The following LACTBL1 variants were observed in gnomAD, a reference collection of about 807,000 sequenced individuals.
LACTBL1 encodes beta-lactamase-like protein 1.
In LACTBL1, 29 loss-of-function variants were observed where a neutral mutation model predicts 39.6. The ratio of observed to expected loss-of-function variants is 0.73; its 90% CI spans 0.55 to 1.00. The LOEUF is 1.00. Ranked by LOEUF, LACTBL1 falls within the 50% of genes least tolerant of loss-of-function variation. The pLI is 0.00. For synonymous variants in LACTBL1, 361 were observed against 360.7 expected, an observed-to-expected ratio of 1.00 and a Z score of -0.01; for missense variants, 711 against 748.5, an observed-to-expected ratio of 0.95 and a Z score of 0.59.
chr1:22,955,248 G>T, intron 5 of LACTBL1, 73 bp downstream of exon 7: 2 of 1,215,302 alleles, frequency 1.6e-6, no homozygotes, highest in Middle Eastern at 1.9e-4. Flanking sequence ...GGTGATGTGG[G>T]CTCTTTGCCA....
At chr1:22,953,576 C>T in exon 6 of LACTBL1, 4 of 1,252,260 alleles carry the variant, frequency 3.2e-6, no homozygotes, top group Non-Finnish European at 4.0e-6. Context: ...AAGGTGGCGG[C>T]GTAGCCGTCC....
exon 2 of LACTBL1, chr1:22,963,118 C>T: frequency 7.8e-7 from 1 of 1,286,792 alleles, no homozygotes; most frequent in Non-Finnish European, 9.9e-7. Flanking sequence ...TTTTCCAGGG[C>T]CTCCTTCAAC....
At chr1:22,969,007 G>A (rs1640912044), upstream of LACTBL1, among the ~76,000 whole-genome samples, 1 of 152,046 alleles carries the variant, frequency 6.6e-6, no homozygotes, top group African/African-American at 2.4e-5. Flanking sequence ...CAAACTCCTG[G>A]GCTCAAGCAA....
upstream of LACTBL1, among the ~76,000 whole-genome samples, chr1:22,968,333 G>A (rs567591406): frequency 6.6e-6 from 1 of 152,244 alleles, no homozygotes; most frequent in African/African-American, 2.4e-5. Flanking sequence ...TTTCTGGGTA[G>A]CAAGGTACAG....
At chr1:22,959,238 T>G (rs1640791817) in intron 3 of LACTBL1, among the ~76,000 whole-genome samples, 4 of 152,258 alleles carry the variant, frequency 2.6e-5, no homozygotes, top group African/African-American at 9.6e-5. Flanking sequence ...GGCAAGTTTC[T>G]AGACCCATCT....
At chr1:22,970,077 C>T (rs1439130683), upstream of LACTBL1, among the ~76,000 whole-genome samples, 4 of 152,192 alleles carry the variant, frequency 2.6e-5, no homozygotes, top group Non-Finnish European at 5.9e-5. Flanking sequence ...GGGTTGGCTA[C>T]TTGTAAAGAG....
At position 22,960,043 on chromosome 1, in the gene LACTBL1, TGCAGACATGGCAGCCACGCCTGGG is replaced by T. The variant is rs1192478314; in HGVS notation, c.192_215del (p.Pro65_Ala72del). 3 of 1,550,664 alleles carry T rather than the reference TGCAGACATGGCAGCCACGCCTGGG, an allele frequency of 1.9e-6. No homozygotes were observed. In the African/African-American group the frequency reaches 4.1e-5, roughly 21 times the overall value. The stretch of plus-strand genomic sequence containing the variant: ...GCACAGTATCATTGTGGATGACAAC[TGCAGACATGGCAGCCACGCCTGGG>T]GCAGACATTGCCTGGCGCAGGATCT... On this transcript the variant is annotated inframe_deletion, in exon 3 of 6. Coordinates refer to ENST00000426928, the Ensembl canonical transcript of LACTBL1.
intron 2 of LACTBL1, among the ~76,000 whole-genome samples, chr1:22,962,344 ATGATAGTTT>A (rs1640830935): frequency 6.6e-6 from 1 of 151,722 alleles, no homozygotes; most frequent in African/African-American, 2.4e-5. Flanking sequence ...TATTCCTCGG[ATGATAGTTT>A]TGAGTCTCCC....
At chr1:22,953,516 G>C in exon 6 of LACTBL1, 1 of 1,235,466 alleles carries the variant, frequency 8.1e-7, no homozygotes, top group Non-Finnish European at 1.0e-6. Context: ...GGCGGCCGTG[G>C]CCCTGCCAGC....
chr1:22,953,902 G>T (rs1640736712), exon 6 of LACTBL1: 1 of 1,550,246 alleles, frequency 6.5e-7, no homozygotes, highest in Non-Finnish European at 8.7e-7. Context: ...GTCAAAGCCC[G>T]TGTCTGCCAT....
upstream of LACTBL1, among the ~76,000 whole-genome samples, chr1:22,968,241 A>G (rs950254949): frequency 6.6e-6 from 1 of 152,162 alleles, no homozygotes; most frequent in African/African-American, 2.4e-5. Flanking sequence ...TGGGTAGTGT[A>G]GTAGTTAGAG....
chr1:22,964,460 C>T (rs376409349), intron 1 of LACTBL1, among the ~76,000 whole-genome samples: 1 of 152,190 alleles, frequency 6.6e-6, no homozygotes, highest in East Asian at 1.9e-4. Context: ...AACCCGACCC[C>T]CAAGCCGACT....
At chr1:22,968,343 G>A (rs951225152), upstream of LACTBL1, among the ~76,000 whole-genome samples, 1 of 152,158 alleles carries the variant, frequency 6.6e-6, no homozygotes, top group African/African-American at 2.4e-5. Context: ...GCAAGGTACA[G>A]CCATCTTCAA....
intron 5 of LACTBL1, among the ~76,000 whole-genome samples, chr1:22,954,815 C>A (rs563496341): frequency 6.6e-6 from 1 of 152,308 alleles, no homozygotes; most frequent in South Asian, 2.1e-4. Context: ...GGGTCACTGA[C>A]CAGCGGCTCA....
At chr1:22,955,499 TC>T in intron 4 of LACTBL1, 73 bp from the exon 7 acceptor site, 1 of 906,082 alleles carries the variant, frequency 1.1e-6, no homozygotes. Context: ...GTGCACTCCC[TC>T]CCCACCTTCC....
Position 22,953,669 on chromosome 1 carries a change from CG to C in LACTBL1, c.1014del (p.Ala339ProfsTer100). On this transcript the variant is annotated frameshift_variant, in exon 6 of 6. Transcript: ENST00000426928. LOFTEE classifies it high-confidence loss of function. ...GTGCCCGTCTCGTTGGCGAAGTAGG[CG>C]CCCGGGCAGGCCAGCAGCGGCGCCA... 1 of 1,273,826 alleles carries C rather than the reference CG, an allele frequency of 7.9e-7. No individual in the cohort carries two copies. The highest frequency in any genetic ancestry group is 9.9e-7 in the Non-Finnish European group (1 of 1,014,690). 78.9% of individuals were successfully genotyped at this position (1,273,826 alleles called of 1,614,324 possible).
exon 6 of LACTBL1, chr1:22,953,848 C>G (rs1640734777): frequency 1.9e-6 from 3 of 1,548,438 alleles, no homozygotes; most frequent in Non-Finnish European, 2.6e-6. Context: ...CCGCCCGCTG[C>G]CGTAGAAGCC....
chr1:22,970,148 A>G (rs1640923242), upstream of LACTBL1, among the ~76,000 whole-genome samples: 1 of 152,240 alleles, frequency 6.6e-6, no homozygotes, highest in Non-Finnish European at 1.5e-5. Flanking sequence ...TGTAGAATCT[A>G]GGGTTCTCAC....
At chr1:22,953,706 G>A (rs934319847) in exon 6 of LACTBL1, 1 of 1,322,258 alleles carries the variant, frequency 7.6e-7, no homozygotes, top group Non-Finnish European at 9.6e-7. Flanking sequence ...GCAGCGTCTT[G>A]GCCGCGTCGG....
Sources: allele counts gnomAD v4.1 joint callset (sites outside exome capture counted in the v4.1 genomes callset), GRCh38; gene constraint gnomAD v4.1.1; transcripts MANE v1.5; gene names NCBI Gene and HGNC (gene_info 2026-07-23, HGNC 2026-07-21).